Variants in GTF2E2 observed in about 807,000 individuals in gnomAD.
GTF2E2 encodes the protein transcription initiation factor IIE subunit beta.
In GTF2E2, 21 loss-of-function variants were observed where a neutral mutation model predicts 40.5. That is an observed-to-expected ratio of 0.52 (90% CI 0.37 to 0.75). The LOEUF (loss-of-function observed/expected upper bound fraction) is 0.75, where lower values mean the gene tolerates loss of function less well. Ranked by LOEUF, GTF2E2 falls within the 30% of genes least tolerant of loss-of-function variation. The probability of loss-of-function intolerance (pLI) is 0.00; values close to 1 mark genes in which losing one functional copy is unlikely to be tolerated. For missense variants in GTF2E2, 298 were observed against 338.4 expected, an observed-to-expected ratio of 0.88 and a Z score of 0.94; for synonymous variants, 117 against 121.6, an observed-to-expected ratio of 0.96 and a Z score of 0.25.
chr8:30,578,994 C>T lies in GTF2E2; in HGVS notation c.803G>A (p.Arg268Gln), dbSNP rs571887654. The T allele has an allele frequency of 3.7e-6, 6 of 1,610,990 alleles. No individual in the cohort carries two copies. Among genetic ancestry groups the T allele is most frequent in the South Asian group, 2.2e-5 (2 of 90,994 alleles). Residue 268 changes from arginine (R) to glutamine (Q), a missense_variant, in exon 8 of 8, where the codon CGA (arginine) becomes CAA (glutamine). Arg to Gln is a conservative substitution (Grantham distance 43). Transcript: ENST00000355904. ...RRKKPASQKKRRFKTHNEHLA... is the reference protein window; with the variant it reads ...RRKKPASQKKQRFKTHNEHLA... The stretch of plus-strand genomic sequence containing the variant: ...GTGTTCGTTATGAGTCTTAAAGCGT[C>T]GCTTTTTCTGTGAAGCAGGCTTTTT...
At chr8:30,645,725 A>G (rs1346593259) in intron 2 of GTF2E2, 3 of 983,664 alleles carry the variant, frequency 3.0e-6, no homozygotes, top group African/African-American at 3.3e-5. Context: ...TTCTAGTAGA[A>G]GGGGAAAAAA....
At chr8:30,609,362 A>G (rs1052422699) in intron 5 of GTF2E2, among the ~76,000 whole-genome samples, 1 of 151,860 alleles carries the variant, frequency 6.6e-6, no homozygotes, top group Non-Finnish European at 1.5e-5. Flanking sequence ...AACTGGTATA[A>G]TGAAAATATC....
intron 2 of GTF2E2, among the ~76,000 whole-genome samples, chr8:30,648,793 T>C (rs558176788): frequency 1.3e-5 from 2 of 152,282 alleles, no homozygotes; most frequent in African/African-American, 2.4e-5. Context: ...GATAAACATG[T>C]AGTATGAAGG....
chr8:30,585,032 C>T (rs1478163909), intron 6 of GTF2E2: 2 of 152,060 alleles, frequency 1.3e-5, no homozygotes, highest in African/African-American at 2.4e-5. Context: ...ATTAAAAATA[C>T]AAAATTAGCC....
chr8:30,608,652 C>T (rs749890395), intron 5 of GTF2E2, among the ~76,000 whole-genome samples: 7 of 152,190 alleles, frequency 4.6e-5, no homozygotes, highest in South Asian at 2.1e-4. Context: ...TTTTTAAGTG[C>T]TGACATGACA....
intron 6 of GTF2E2, among the ~76,000 whole-genome samples, chr8:30,586,179 T>C (rs754052039): frequency 6.6e-6 from 1 of 152,210 alleles, no homozygotes; most frequent in Non-Finnish European, 1.5e-5. Flanking sequence ...CGTGACTTTT[T>C]ATCCTCAAAA....
At chr8:30,654,551 C>T (rs886248854) in intron 1 of GTF2E2, among the ~76,000 whole-genome samples, 1 of 151,820 alleles carries the variant, frequency 6.6e-6, no homozygotes, top group Admixed American at 6.6e-5. Context: ...TACAGGTACA[C>T]GCCACCACAC....
intron 3 of GTF2E2, among the ~76,000 whole-genome samples, chr8:30,634,229 CAT>C (rs1563500421): frequency 1.3e-5 from 2 of 152,296 alleles, no homozygotes; most frequent in East Asian, 1.9e-4. Flanking sequence ...GGGAAAATCA[CAT>C]GAGCTTAGGA....
chr8:30,656,166 T>C (rs1444983999), intron 1 of GTF2E2, among the ~76,000 whole-genome samples: 1 of 152,188 alleles, frequency 6.6e-6, no homozygotes, highest in Non-Finnish European at 1.5e-5. Context: ...GGCCTCTACA[T>C]TCAATTTCAT....
At chr8:30,584,106 G>A (rs1179359813) in intron 6 of GTF2E2, among the ~76,000 whole-genome samples, 4 of 151,836 alleles carry the variant, frequency 2.6e-5, no homozygotes, top group Non-Finnish European at 4.4e-5. Context: ...GTGCCCAGCC[G>A]ACGATCAGTA....
chr8:30,613,956 C>T (rs1380228639), intron 4 of GTF2E2, among the ~76,000 whole-genome samples: 1 of 152,182 alleles, frequency 6.6e-6, no homozygotes, highest in Non-Finnish European at 1.5e-5. Flanking sequence ...GCCATAATAG[C>T]AGTAATTGTG....
chr8:30,604,294 G>T (rs1445351547), intron 6 of GTF2E2, among the ~76,000 whole-genome samples: 2 of 152,082 alleles, frequency 1.3e-5, no homozygotes, highest in Non-Finnish European at 2.9e-5. Context: ...GAGTGTAAGG[G>T]TGGTTAAATA....
At chr8:30,637,172 C>G in intron 2 of GTF2E2, 1 of 453,524 alleles carries the variant, frequency 2.2e-6, no homozygotes, top group Non-Finnish European at 4.4e-6. Context: ...CTGAAACTGG[C>G]CATTTTGTCA....
At chr8:30,605,658 A>G (rs2151123143) in intron 6 of GTF2E2, among the ~76,000 whole-genome samples, 1 of 151,734 alleles carries the variant, frequency 6.6e-6, no homozygotes, top group African/African-American at 2.4e-5. Flanking sequence ...AATATCTTAA[A>G]TGGTTTTTAA....
chr8:30,621,979 T>TA (rs1336266968), intron 3 of GTF2E2, among the ~76,000 whole-genome samples: 2 of 65,552 alleles, frequency 3.1e-5, no homozygotes, highest in East Asian at 4.0e-4. Context: ...TATATATATA[T>TA]TTTTTTATTA....
At chr8:30,592,652 G>A (rs1309071228) in intron 6 of GTF2E2, among the ~76,000 whole-genome samples, 3 of 152,112 alleles carry the variant, frequency 2.0e-5, no homozygotes, top group Non-Finnish European at 4.4e-5. Flanking sequence ...ACAATGCCTG[G>A]TACAATTTAA....
chr8:30,645,502 G>A, intron 2 of GTF2E2: 2 of 1,535,644 alleles, frequency 1.3e-6, no homozygotes, highest in Non-Finnish European at 1.7e-6. Flanking sequence ...CTGCTGCTGT[G>A]TAAAAAACAA....
chr8:30,598,335 T>C (rs1310823207), intron 6 of GTF2E2, among the ~76,000 whole-genome samples: 1 of 152,196 alleles, frequency 6.6e-6, no homozygotes, highest in Non-Finnish European at 1.5e-5. Context: ...GAGGTAATAT[T>C]ACCTACTTAA....
At chr8:30,584,959 G>A (rs542639965) in intron 6 of GTF2E2, 11 of 152,214 alleles carry the variant, frequency 7.2e-5, no homozygotes, top group Non-Finnish European at 1.6e-4. Context: ...GGCCAAGGCA[G>A]GCGGATCACC....
Sources: gnomAD v4.1 joint callset for allele counts (sites outside exome capture counted in the v4.1 genomes callset) on GRCh38, gnomAD v4.1.1 for gene constraint, MANE v1.5 for transcripts, NCBI Gene and HGNC (gene_info 2026-07-23, HGNC 2026-07-21) for gene names.